The following NSUN3 variants were observed in gnomAD, a reference collection of about 807,000 sequenced individuals.
NSUN3 encodes the protein tRNA (cytosine(34)-C(5))-methyltransferase, mitochondrial.
A neutral mutation model predicts 36.8 loss-of-function variants in NSUN3; 24 were observed. The observed-to-expected ratio is 0.65, with a 90% CI of 0.47 to 0.92. The LOEUF (loss-of-function observed/expected upper bound fraction) is 0.92, where lower values mean the gene tolerates loss of function less well. NSUN3 is among the 40% of genes least tolerant of loss of function. The pLI, the probability that NSUN3 is intolerant of heterozygous loss-of-function variation, is 0.00. For synonymous variants in NSUN3, 146 were observed against 145.2 expected (o/e 1.01, Z -0.04); for missense variants, 381 against 392.8 (o/e 0.97, Z 0.25).
intron 2 of NSUN3, chr3:94,075,881 C>G: frequency 7.8e-7 from 1 of 1,277,690 alleles, no homozygotes; most frequent in South Asian, 1.2e-5. Flanking sequence ...AAAGGGGAGT[C>G]TAAAATCACA....
In NSUN3 at chr3:94,126,402, G is replaced by C. The variant is rs1235256715; in HGVS notation, c.935G>C (p.Gly312Ala). ...TTTGCTCCCACTGGCCAGGAATGTG[G>C]GCTCTTAGTGATTCCAGATAAGGGC... Reference protein sequence around the residue: ...FTFAPTGQECGLLVIPDKGKA... With the variant: ...FTFAPTGQECALLVIPDKGKA... Residue 312 changes from glycine to alanine, a missense_variant, in exon 6 of 6, where the codon GGG becomes GCG. By Grantham distance (60) the Gly-to-Ala change is moderately conservative. Transcript: ENST00000314622. The C allele has an allele frequency of 6.2e-7, 1 of 1,614,084 alleles. No individual in the cohort carries two copies. The highest frequency in any genetic ancestry group is 8.5e-7 in the Non-Finnish European group (1 of 1,180,004).
At chr3:94,096,432 A>C (rs1332278798) in intron 5 of NSUN3, among the ~76,000 whole-genome samples, 1 of 152,126 alleles carries the variant, frequency 6.6e-6, no homozygotes, top group Non-Finnish European at 1.5e-5. Context: ...GAGATGACCT[A>C]GACCCTTCTC....
chr3:94,085,444 C>T (rs753645002), intron 3 of NSUN3: 3 of 152,092 alleles, frequency 2.0e-5, no homozygotes, highest in Non-Finnish European at 2.9e-5. Flanking sequence ...GATGCCAGTG[C>T]TGTTCACACA....
chr3:94,104,945 G>A (rs1024638689), intron 5 of NSUN3, among the ~76,000 whole-genome samples: 2 of 152,140 alleles, frequency 1.3e-5, no homozygotes, highest in East Asian at 3.9e-4. Flanking sequence ...GTTAACAAGA[G>A]TTTAACATCT....
intron 4 of NSUN3, 115 bp from the exon 5 acceptor site, chr3:94,094,918 T>A: frequency 1.9e-6 from 2 of 1,051,270 alleles, no homozygotes; most frequent in South Asian, 1.6e-5. Flanking sequence ...AAAAAAGAAA[T>A]GTTTTTACTT....
chr3:94,121,178 G>T (rs990047945), intron 5 of NSUN3, among the ~76,000 whole-genome samples: 5 of 152,096 alleles, frequency 3.3e-5, no homozygotes, highest in African/African-American at 1.2e-4. Flanking sequence ...ATATCAAGAT[G>T]CTGGCAGAGA....
At chr3:94,123,550 CAAT>C (rs2077472862) in intron 5 of NSUN3, among the ~76,000 whole-genome samples, 1 of 152,122 alleles carries the variant, frequency 6.6e-6, no homozygotes, top group Admixed American at 6.6e-5. Flanking sequence ...AAAAATTTAA[CAAT>C]GATGGATCTA....
chr3:94,098,315 T>A (rs941313364), intron 5 of NSUN3, among the ~76,000 whole-genome samples: 3 of 152,180 alleles, frequency 2.0e-5, no homozygotes, highest in African/African-American at 7.2e-5. Flanking sequence ...CCTAAATGAT[T>A]TTAACTGGCC....
intron 5 of NSUN3, among the ~76,000 whole-genome samples, chr3:94,123,215 G>T (rs143273518): frequency 6.6e-6 from 1 of 152,026 alleles, no homozygotes; most frequent in Non-Finnish European, 1.5e-5. Flanking sequence ...GGCCTCCCAC[G>T]CAGCTCTCAC....
At chr3:94,113,567 A>G (rs936416152) in intron 5 of NSUN3, among the ~76,000 whole-genome samples, 2 of 152,230 alleles carry the variant, frequency 1.3e-5, no homozygotes, top group Non-Finnish European at 2.9e-5. Flanking sequence ...CTTCAGAGAA[A>G]TAGAAGATGA....
At chr3:94,118,763 T>C (rs1018908442) in intron 5 of NSUN3, among the ~76,000 whole-genome samples, 2 of 152,048 alleles carry the variant, frequency 1.3e-5, no homozygotes, top group African/African-American at 4.8e-5. Context: ...CAACCTGTCT[T>C]TTTTTTTCTT....
At chr3:94,076,146 A>C in intron 2 of NSUN3, 2 of 1,259,266 alleles carry the variant, frequency 1.6e-6, no homozygotes, top group East Asian at 4.6e-5. Flanking sequence ...ATTTTACTTA[A>C]ATCCTAGACA....
intron 5 of NSUN3, among the ~76,000 whole-genome samples, chr3:94,103,330 G>A (rs1560037847): frequency 6.6e-6 from 1 of 151,934 alleles, no homozygotes; most frequent in East Asian, 1.9e-4. Context: ...AGGGTGCTGG[G>A]GGAATAGAGG....
chr3:94,091,964 A>G (rs2077316800), intron 3 of NSUN3, among the ~76,000 whole-genome samples: 1 of 152,220 alleles, frequency 6.6e-6, no homozygotes, highest in African/African-American at 2.4e-5. Flanking sequence ...CATGCCATTC[A>G]TGCAGTTATC....
intron 3 of NSUN3, among the ~76,000 whole-genome samples, chr3:94,091,374 A>T (rs1335941697): frequency 6.6e-6 from 1 of 152,186 alleles, no homozygotes; most frequent in East Asian, 1.9e-4. Flanking sequence ...GTTTTTCACC[A>T]ACAATTCTGA....
chr3:94,080,666 G>T (rs911708604), intron 2 of NSUN3, among the ~76,000 whole-genome samples: 2 of 152,176 alleles, frequency 1.3e-5, no homozygotes, highest in African/African-American at 4.8e-5. Context: ...AGTGGGCTCC[G>T]CCCAGTTCAA....
At position 94,096,960 on chromosome 3, in the gene NSUN3, C is replaced by T. The variant is rs183758747; in HGVS notation, c.743+1806C>T. 7.0e-4 allele frequency among the ~76,000 whole-genome samples: 107 copies of T among 152,286 alleles called. 1 individual carries two copies. The highest frequency in any genetic ancestry group is 2.4e-3 in the African/African-American group (100 of 41,556). On this transcript the variant is annotated intron_variant, in intron 5 of 5. Coordinates refer to ENST00000314622, the MANE Select transcript of NSUN3 (RefSeq NM_022072.5). ...TTTCTGAGAATATTATTTTTCTTCT[C>T]TGTCTCCTGACAGATCTGCCTCTGA...
chr3:94,087,297 G>C lies in NSUN3; in HGVS notation c.466+2847G>C, dbSNP rs192703402. On this transcript the variant is annotated intron_variant, in intron 3 of 5. Coordinates refer to ENST00000314622, the MANE Select transcript of NSUN3 (RefSeq NM_022072.5). Reference sequence around the variant, plus strand: ...AGCTTTTATAAGCAAAATGTAAAATGATGGCTGCACTAAATGTGCATTTGT... The same window carrying C: ...AGCTTTTATAAGCAAAATGTAAAATCATGGCTGCACTAAATGTGCATTTGT... Among the ~76,000 whole-genome samples the C allele has an allele frequency of 4.3e-4, 66 of 152,340 alleles. 1 individual carries two copies. The East Asian group carries it at 0.01, about 23-fold the overall frequency.
chr3:94,092,930 A>AAAG, intron 3 of NSUN3, among the ~76,000 whole-genome samples: 1 of 149,814 alleles, frequency 6.7e-6, no homozygotes, highest in Admixed American at 6.7e-5. Flanking sequence ...AAAAAAAAAA[A>AAAG]AAAAAAAAAA....
Sources: gnomAD v4.1 joint callset for allele counts (sites outside exome capture counted in the v4.1 genomes callset) on GRCh38, gnomAD v4.1.1 for gene constraint, MANE v1.5 for transcripts, NCBI Gene and HGNC (gene_info 2026-07-23, HGNC 2026-07-21) for gene names.